Variants in KCNC2 observed in about 807,000 individuals in gnomAD.
KCNC2 encodes the protein voltage-gated potassium channel KCNC2.
Under a neutral mutation model 44.5 loss-of-function variants are expected in KCNC2, and 21 were observed. The observed-to-expected ratio is 0.47, with a 90% CI of 0.33 to 0.68. The LOEUF is 0.68. Ranked by LOEUF, KCNC2 falls within the 30% of genes least tolerant of loss-of-function variation. KCNC2 has a pLI of 0.01. For synonymous variants in KCNC2, 391 were observed against 339.1 expected (o/e 1.15, Z -1.68); for missense variants, 589 against 826.2 (o/e 0.71, Z 3.52).
chr12:75,082,677 T>C (rs1266895491), intron 2 of KCNC2, among the ~76,000 whole-genome samples: 1 of 151,832 alleles, frequency 6.6e-6, no homozygotes, highest in Admixed American at 6.6e-5. Context: ...TAAATAATGA[T>C]GCATAAATAT....
chr12:75,057,825 C>T (rs928595815), intron 2 of KCNC2, among the ~76,000 whole-genome samples: 15 of 151,236 alleles, frequency 9.9e-5, no homozygotes, highest in African/African-American at 3.6e-4. Context: ...TACTATTGAC[C>T]ACTGAGACAG....
At chr12:75,133,050 T>TA (rs1888965764) in intron 2 of KCNC2, among the ~76,000 whole-genome samples, 1 of 152,038 alleles carries the variant, frequency 6.6e-6, no homozygotes, top group South Asian at 2.1e-4. Context: ...AAAGTGACTA[T>TA]AAAAATCGAT....
At chr12:75,199,295 A>T (rs1402782337) in intron 2 of KCNC2, among the ~76,000 whole-genome samples, 1 of 151,830 alleles carries the variant, frequency 6.6e-6, no homozygotes, top group African/African-American at 2.4e-5. Flanking sequence ...TCAAACAAAG[A>T]ATGAAGGAGA....
chr12:75,082,654 A>AGAATAATTTAGGT (rs1884621391), intron 2 of KCNC2, among the ~76,000 whole-genome samples: 1 of 151,796 alleles, frequency 6.6e-6, no homozygotes, highest in African/African-American at 2.4e-5. Context: ...CAGGGAAAAA[A>AGAATAATTTAGGT]GAATAATTTA....
chr12:75,065,902 T>C (rs936009155), intron 2 of KCNC2, among the ~76,000 whole-genome samples: 2 of 152,172 alleles, frequency 1.3e-5, no homozygotes, highest in Non-Finnish European at 2.9e-5. Context: ...TTCAGTATGA[T>C]CCGGCTTCCC....
chr12:75,106,143 C>T, intron 2 of KCNC2, among the ~76,000 whole-genome samples: 1 of 152,084 alleles, frequency 6.6e-6, no homozygotes, highest in Non-Finnish European at 1.5e-5. Context: ...GTGTCAAATG[C>T]TGTTGATGAA....
chr12:75,208,201 A>G (rs954547602), intron 1 of KCNC2, among the ~76,000 whole-genome samples, 199 bp from the exon 2 acceptor site: 1 of 151,968 alleles, frequency 6.6e-6, no homozygotes, highest in Non-Finnish European at 1.5e-5. Context: ...TTTCCAGAGA[A>G]CTACAGAGAT....
intron 2 of KCNC2, among the ~76,000 whole-genome samples, chr12:75,086,673 A>ATATATATATATATAT (rs1272020683): frequency 1.9e-4 from 12 of 62,022 alleles, no homozygotes; most frequent in African/African-American, 1.1e-3. Context: ...AAAAAAAAAA[A>ATATATATATATATAT]AAAAAAAAAT....
intron 2 of KCNC2, among the ~76,000 whole-genome samples, chr12:75,118,108 A>T (rs780493075): frequency 8.5e-5 from 13 of 152,200 alleles, no homozygotes; most frequent in Non-Finnish European, 1.9e-4. Flanking sequence ...TTAGAGCTTC[A>T]CAACATCTCT....
At chr12:75,087,202 G>A (rs915220513) in intron 2 of KCNC2, among the ~76,000 whole-genome samples, 4 of 152,004 alleles carry the variant, frequency 2.6e-5, no homozygotes, top group Non-Finnish European at 4.4e-5. Context: ...GTTCACAGTT[G>A]CCTCCTTGTA....
At chr12:75,111,756 A>G (rs1006014493) in intron 2 of KCNC2, among the ~76,000 whole-genome samples, 1 of 152,134 alleles carries the variant, frequency 6.6e-6, no homozygotes, top group African/African-American at 2.4e-5. Flanking sequence ...AGACTAGAAG[A>G]GGATGAAGGA....
At chr12:75,189,895 C>T (rs2030030416) in intron 2 of KCNC2, among the ~76,000 whole-genome samples, 1 of 152,190 alleles carries the variant, frequency 6.6e-6, no homozygotes, top group South Asian at 2.1e-4. Flanking sequence ...GGATTTTCTA[C>T]CTATGAGTCG....
chr12:75,159,120 G>A (rs2137513481), intron 2 of KCNC2, among the ~76,000 whole-genome samples: 1 of 150,894 alleles, frequency 6.6e-6, no homozygotes, highest in South Asian at 2.1e-4. Flanking sequence ...GCCTGTCGGA[G>A]GGTGGGGGGG....
chr12:75,207,274 G>C lies in KCNC2; in HGVS notation c.687+23C>G. 2 of 1,516,916 alleles carry C rather than the reference G, an allele frequency of 1.3e-6. No homozygotes were observed. Among genetic ancestry groups the C allele is most frequent in the Non-Finnish European group, 1.8e-6 (2 of 1,137,288 alleles). 94.0% of individuals were successfully genotyped at this position (1,516,916 alleles called of 1,614,324 possible). On this transcript the variant is annotated intron_variant, in intron 2 of 4. Coordinates refer to ENST00000549446, the MANE Select transcript of KCNC2 (RefSeq NM_139137.4). The surrounding 1 kb of genome is among the most constrained non-coding windows in gnomAD (Gnocchi z 4.1). ...AGTTGGGAGAAGTTGAAGCAGCAGG[G>C]AAGGGGTCGATTCTGGCCTTACCCT...
At chr12:75,047,141 A>G (rs1436498415) in intron 4 of KCNC2, among the ~76,000 whole-genome samples, 1 of 152,018 alleles carries the variant, frequency 6.6e-6, no homozygotes, top group Admixed American at 6.6e-5. Flanking sequence ...TTATTTCCCT[A>G]TTCTGTCAAC....
chr12:75,196,463 G>A (rs553539401), intron 2 of KCNC2, among the ~76,000 whole-genome samples: 2 of 152,100 alleles, frequency 1.3e-5, no homozygotes, highest in African/African-American at 4.8e-5. Flanking sequence ...CTTGCCTCAA[G>A]GAATAATAGC....
intron 2 of KCNC2, among the ~76,000 whole-genome samples, chr12:75,070,681 CAT>C (rs1254311399): frequency 6.6e-6 from 1 of 151,592 alleles, no homozygotes; most frequent in African/African-American, 2.4e-5. Flanking sequence ...ATTTTATAAA[CAT>C]ATAAATGCAT....
At position 75,041,348 on chromosome 12, in the gene KCNC2, A is replaced by G. The variant is rs969458552; in HGVS notation, c.*1757T>C. ...CATATATGTATGTCTGGATAAATACATTGCTGTACAACATCTCCAACATGC... is the reference window on the plus strand; with the variant it reads ...CATATATGTATGTCTGGATAAATACGTTGCTGTACAACATCTCCAACATGC... On this transcript the variant is annotated 3_prime_UTR_variant, in exon 5 of 5. Coordinates refer to ENST00000549446, the MANE Select transcript of KCNC2 (RefSeq NM_139137.4). 6.8e-7 allele frequency: 1 copy of G among 1,463,284 alleles called. No homozygotes were observed. The allele number at this position is 1,463,284 out of a possible 1,614,324, so 90.6% of individuals were successfully genotyped here. A position where few individuals can be genotyped will look rare whatever the true frequency, so the allele number is the denominator to read the frequency against.
At chr12:75,185,836 A>G (rs1323250307) in intron 2 of KCNC2, among the ~76,000 whole-genome samples, 1 of 152,066 alleles carries the variant, frequency 6.6e-6, no homozygotes, top group African/African-American at 2.4e-5. Flanking sequence ...ACCTGAGGTC[A>G]GGAGTTCAAG....
Sources: gnomAD v4.1 joint callset for allele counts (sites outside exome capture counted in the v4.1 genomes callset) on GRCh38, gnomAD v4.1.1 for gene constraint, Gnocchi (gnomAD v3.1) non-coding constraint, MANE v1.5 for transcripts, NCBI Gene and HGNC (gene_info 2026-07-23, HGNC 2026-07-21) for gene names.